The following ARHGEF18 variants were observed in gnomAD, a reference collection of about 807,000 sequenced individuals.
The protein encoded by ARHGEF18 is rho guanine nucleotide exchange factor 18.
Under a neutral mutation model 155.7 loss-of-function variants are expected in ARHGEF18, and 93 were observed. The ratio of observed to expected loss-of-function variants is 0.60; its 90% CI spans 0.50 to 0.71. ARHGEF18 has a LOEUF of 0.71. Among genes scored for constraint, ARHGEF18 ranks in the 30% least tolerant of loss-of-function variants. The pLI is 0.00. For synonymous variants in ARHGEF18, 742 were observed against 753.1 expected (o/e 0.99, Z 0.24); for missense variants, 1,593 against 1,816.1 (o/e 0.88, Z 2.23).
At chr19:7,394,085 T>A (rs1262571874) in intron 10 of ARHGEF18, among the ~76,000 whole-genome samples, 3 of 150,916 alleles carry the variant, frequency 2.0e-5, no homozygotes, top group Non-Finnish European at 4.4e-5. Flanking sequence ...GTGGCATGAT[T>A]ATAGCTCACT....
chr19:7,437,094 C>T lies in ARHGEF18; in HGVS notation c.968-3250C>T, dbSNP rs116954061. On this transcript the variant is annotated intron_variant, in intron 10 of 28. Coordinates refer to ENST00000668164, the MANE Select transcript of ARHGEF18 (RefSeq NM_001367823.1). The stretch of plus-strand genomic sequence containing the variant: ...CCAGAAAATCTCTAACACACACTCA[C>T]CTGCTCGTTAACAATCACCTTCAAT... Among the ~76,000 whole-genome samples, 1,051 of 152,264 alleles carry T rather than the reference C, an allele frequency of 6.9e-3. 6 individuals are homozygous for T. The highest frequency in any genetic ancestry group is 0.02 in the Middle Eastern group (6 of 294).
At chr19:7,469,875 A>G (rs2145922914) in intron 27 of ARHGEF18, 29 bp from the exon 28 acceptor site, 1 of 1,609,206 alleles carries the variant, frequency 6.2e-7, no homozygotes, top group South Asian at 1.1e-5. Flanking sequence ...GCCAGCCTGG[A>G]GCTGGCCCAA....
chr19:7,397,814 C>T (rs943453243), intron 10 of ARHGEF18, among the ~76,000 whole-genome samples: 1 of 151,976 alleles, frequency 6.6e-6, no homozygotes, highest in Non-Finnish European at 1.5e-5. Flanking sequence ...AGCGATCCTC[C>T]CACCTCGGCC....
the ARHGEF18 span, among the ~76,000 whole-genome samples, chr19:7,479,601 A>G: frequency 2.0e-5 from 3 of 152,236 alleles, no homozygotes; most frequent in East Asian, 3.8e-4. Context: ...ATGAGCACAC[A>G]TGGAATGCTC....
At position 7,472,123 on chromosome 19, in the gene ARHGEF18, TG is replaced by T. The variant is rs1977061835; in HGVS notation, c.*1830del. The T allele has an allele frequency of 6.6e-6, 1 of 152,282 alleles. No individual in the cohort carries two copies. Among genetic ancestry groups the T allele is most frequent in the South Asian group, 2.1e-4 (1 of 4,810 alleles). 9.4% of individuals were successfully genotyped at this position (152,282 alleles called of 1,614,324 possible). A position where few individuals can be genotyped will look rare whatever the true frequency, so the allele number is the denominator to read the frequency against. ...CTCCGAGATGCCACAATTCCTTGGA[TG>T]GGGGAGAAGTTCAAGGAATTTCTGC... On this transcript the variant is annotated 3_prime_UTR_variant, in exon 29 of 29. Coordinates refer to ENST00000668164, the MANE Select transcript of ARHGEF18 (RefSeq NM_001367823.1).
intron 1 of ARHGEF18, among the ~76,000 whole-genome samples, chr19:7,356,531 C>T (rs765455725): frequency 4.6e-5 from 7 of 152,084 alleles, no homozygotes; most frequent in Non-Finnish European, 1.0e-4. Flanking sequence ...GCCTCGGCCT[C>T]CCAAAGTGCT....
At chr19:7,414,930 G>A (rs905043354) in intron 10 of ARHGEF18, among the ~76,000 whole-genome samples, 3 of 152,176 alleles carry the variant, frequency 2.0e-5, no homozygotes, top group Non-Finnish European at 4.4e-5. Flanking sequence ...AGAAAGCAGA[G>A]GTTGCAGTGA....
intron 10 of ARHGEF18, among the ~76,000 whole-genome samples, chr19:7,412,379 A>G (rs1394433207): frequency 6.6e-6 from 1 of 151,844 alleles, no homozygotes; most frequent in Admixed American, 6.6e-5. Context: ...TTACCTTCCT[A>G]CCAGCAGTGT....
At chr19:7,477,052 G>T, downstream of ARHGEF18, 1 of 639,226 alleles carries the variant, frequency 1.6e-6, no homozygotes, top group Non-Finnish European at 2.3e-6. Flanking sequence ...GAGGCCTGGG[G>T]GACCTCGCAT....
At position 7,470,363 on chromosome 19, in the gene ARHGEF18, C is replaced by A. The variant is rs12972299; in HGVS notation, c.*65C>A. 298,555 of 1,362,862 alleles carry A rather than the reference C, an allele frequency of 0.22. 33,892 individuals are homozygous for A. The highest frequency in any genetic ancestry group is 0.23 in the Non-Finnish European group (243,980 of 1,050,620). The allele number at this position is 1,362,862 out of a possible 1,614,324, so 84.4% of individuals were successfully genotyped here. ...GCCCACCCTTCCTGCTCTCTGGGGA[C>A]CCCCATGGGGTCACCATGCCCACCC... On this transcript the variant is annotated 3_prime_UTR_variant, in exon 29 of 29. Coordinates refer to ENST00000668164, the MANE Select transcript of ARHGEF18 (RefSeq NM_001367823.1). The surrounding 1 kb of genome is among the most constrained non-coding windows in gnomAD (Gnocchi z 5.9).
Position 7,349,126 on chromosome 19 carries a change from C to T in ARHGEF18, c.-226C>T, listed in dbSNP as rs1195939084. ...GGTCATTCTGTGGTTATCCCAGGCTCTACCCAGCCAGCGGTTCCCTTGGGC... is the reference window on the plus strand; with the variant it reads ...GGTCATTCTGTGGTTATCCCAGGCTTTACCCAGCCAGCGGTTCCCTTGGGC... On this transcript the variant is annotated 5_prime_UTR_variant, in exon 1 of 29. Coordinates refer to ENST00000668164, the MANE Select transcript of ARHGEF18 (RefSeq NM_001367823.1). The T allele has an allele frequency of 6.6e-6, 1 of 152,300 alleles. No individual in the cohort carries two copies. Among genetic ancestry groups the T allele is most frequent in the Non-Finnish European group, 1.5e-5 (1 of 68,080 alleles). 9.4% of individuals were successfully genotyped at this position (152,300 alleles called of 1,614,324 possible).
intron 10 of ARHGEF18, among the ~76,000 whole-genome samples, chr19:7,410,826 A>AAG (rs1972632370): frequency 6.6e-6 from 1 of 151,294 alleles, no homozygotes; most frequent in Non-Finnish European, 1.5e-5. Context: ...AAAAAAAAAA[A>AAG]AAGGTTTTTC....
At chr19:7,453,335 C>G (rs966761313) in intron 16 of ARHGEF18, 132 bp from the exon 17 acceptor site, 1 of 1,074,078 alleles carries the variant, frequency 9.3e-7, no homozygotes, top group African/African-American at 1.6e-5. Context: ...GAACACACCT[C>G]ATAGATCCCA....
At chr19:7,435,529 C>T (rs1019499324) in intron 10 of ARHGEF18, among the ~76,000 whole-genome samples, 2 of 151,942 alleles carry the variant, frequency 1.3e-5, no homozygotes, top group African/African-American at 2.4e-5. Context: ...GATGGGGCCC[C>T]GAGGTGATGA....
chr19:7,387,116 C>G (rs1971126905), intron 10 of ARHGEF18, among the ~76,000 whole-genome samples: 1 of 152,102 alleles, frequency 6.6e-6, no homozygotes, highest in Non-Finnish European at 1.5e-5. Context: ...CAGGGACTGG[C>G]AAACTGCAGT....
chr19:7,461,682 A>G (rs1489123720), intron 20 of ARHGEF18, among the ~76,000 whole-genome samples: 1 of 152,044 alleles, frequency 6.6e-6, no homozygotes, highest in Non-Finnish European at 1.5e-5. Context: ...ATTTTATTTT[A>G]TTTCTTTTAG....
At chr19:7,350,284 T>A (rs895817509) in intron 1 of ARHGEF18, among the ~76,000 whole-genome samples, 1 of 151,734 alleles carries the variant, frequency 6.6e-6, no homozygotes, top group Non-Finnish European at 1.5e-5. Context: ...TGAGCTAGAG[T>A]GGACAGCTGG....
chr19:7,476,823 G>A, downstream of ARHGEF18: 1 of 202,898 alleles, frequency 4.9e-6, no homozygotes, highest in South Asian at 1.9e-4. Flanking sequence ...GTCCTGTGGA[G>A]GGTAAGGGGC....
intron 1 of ARHGEF18, among the ~76,000 whole-genome samples, chr19:7,361,994 A>AGAAGAAGAAGAAGAAGAAGAG (rs1969572643): frequency 2.3e-5 from 1 of 43,158 alleles, no homozygotes. Flanking sequence ...ACTCTGTGGA[A>AGAAGAAGAAGAAGAAGAAGAG]GAAGAAGAAG....
Sources: gnomAD v4.1 joint callset for allele counts (sites outside exome capture counted in the v4.1 genomes callset) on GRCh38, gnomAD v4.1.1 for gene constraint, Gnocchi (gnomAD v3.1) non-coding constraint, MANE v1.5 for transcripts, NCBI Gene and HGNC (gene_info 2026-07-23, HGNC 2026-07-21) for gene names.